Variants in TACC2 observed in about 807,000 individuals in gnomAD.
The protein encoded by TACC2 is transforming acidic coiled-coil containing protein 2, also known as transforming acidic coiled-coil-containing protein 2.
Under a neutral mutation model 227.3 loss-of-function variants are expected in TACC2, and 137 were observed. That is an observed-to-expected ratio of 0.60 (90% CI 0.52 to 0.69). The LOEUF is 0.69. Ranked by LOEUF, TACC2 falls within the 30% of genes least tolerant of loss-of-function variation. The pLI is 0.00. For missense variants in TACC2, 3,470 were observed against 3,694.4 expected, an observed-to-expected ratio of 0.94 and a Z score of 1.57; for synonymous variants, 1,523 against 1,487.5, an observed-to-expected ratio of 1.02 and a Z score of -0.55.
chr10:122,032,681 C>T (rs1959128741), intron 2 of TACC2, among the ~76,000 whole-genome samples: 1 of 152,144 alleles, frequency 6.6e-6, no homozygotes, highest in Non-Finnish European at 1.5e-5. Context: ...AAACCATGGC[C>T]AGGCACGGTG....
At position 122,211,270 on chromosome 10, in the gene TACC2, A is replaced by C. The variant is rs1487895676; in HGVS notation, c.6845A>C (p.Asn2282Thr). The C allele has an allele frequency of 6.2e-7, 1 of 1,612,726 alleles. No homozygotes were observed. Among genetic ancestry groups the C allele is most frequent in the Non-Finnish European group, 8.5e-7 (1 of 1,179,748 alleles). Residue 2282 changes from asparagine (N) to threonine (T), a missense_variant, in exon 9 of 23, where the codon AAC becomes ACC. This residue lies in a region of TACC2 where 593 missense variants were observed against 636.6 expected (regional missense o/e 0.93). Coordinates refer to ENST00000369005, the MANE Select transcript of TACC2 (RefSeq NM_206862.4). ...AGTAGTTGGGACAACCAGCAGGAAA[A>C]CCCCCCTCCTACCAAAAAGATAGGC... is the stretch of plus-strand genomic sequence containing the variant. ...DKSSWDNQQE[N>T]PPPTKKIGKK...
rs79870128 is a variant in TACC2 at position 122,239,702 on chromosome 10, G to T, written c.8348+1665G>T. On this transcript the variant is annotated intron_variant, in intron 18 of 22. Transcript: ENST00000369005. ...GGTGCCTGGGGAGTGCTTATTCGTG[G>T]TTTGAGAAGTCGTACCACTGAGGGG... Among the ~76,000 whole-genome samples the T allele has an allele frequency of 3.5e-3, 537 of 152,242 alleles. 4 individuals carry two copies. Among genetic ancestry groups the T allele is most frequent in the African/African-American group, 0.011 (472 of 41,546 alleles).
At position 122,194,987 on chromosome 10, in the gene TACC2, G is replaced by A; in HGVS notation, c.5835-53G>A. 1 of 1,555,374 alleles carries A rather than the reference G, an allele frequency of 6.4e-7. No individual in the cohort carries two copies. Among genetic ancestry groups the A allele is most frequent in the Non-Finnish European group, 8.7e-7 (1 of 1,146,286 alleles). ...TGGGTGCGAAGGCCACACCGGCTCA[G>A]CAGAACTGGCTCTGGGCCCCTGTCT... On this transcript the variant is annotated intron_variant, in intron 7 of 22. Transcript: ENST00000369005. The surrounding 1 kb of genome is among the most constrained non-coding windows in gnomAD (Gnocchi z 4.4).
intron 1 of TACC2, among the ~76,000 whole-genome samples, chr10:122,008,613 C>T (rs556031554): frequency 1.3e-5 from 2 of 151,882 alleles, no homozygotes; most frequent in South Asian, 4.2e-4. Flanking sequence ...CACTCTGTCA[C>T]CCAGGCTGGA....
chr10:122,131,838 A>G (rs921694529), intron 5 of TACC2, among the ~76,000 whole-genome samples: 1 of 152,034 alleles, frequency 6.6e-6, no homozygotes, highest in Non-Finnish European at 1.5e-5. Context: ...CCTGGCCAAC[A>G]TGATGAAACC....
At chr10:122,044,613 T>G (rs1477086619) in intron 2 of TACC2, among the ~76,000 whole-genome samples, 1 of 152,120 alleles carries the variant, frequency 6.6e-6, no homozygotes, top group African/African-American at 2.4e-5. Context: ...AAGCATGGTT[T>G]AATTAACTCT....
At chr10:122,013,959 C>T (rs1956247169) in intron 1 of TACC2, among the ~76,000 whole-genome samples, 1 of 152,104 alleles carries the variant, frequency 6.6e-6, no homozygotes, top group South Asian at 2.1e-4. Flanking sequence ...CACTAACAAT[C>T]TAAATTATTC....
chr10:122,232,339 G>A (rs929057914), intron 16 of TACC2, among the ~76,000 whole-genome samples: 1 of 150,680 alleles, frequency 6.6e-6, no homozygotes, highest in Non-Finnish European at 1.5e-5. Context: ...GAGTAGCTCA[G>A]GGTGGATATG....
intron 6 of TACC2, among the ~76,000 whole-genome samples, chr10:122,143,033 C>A (rs146489053): frequency 1.6e-4 from 24 of 152,290 alleles, no homozygotes; most frequent in African/African-American, 5.3e-4. Flanking sequence ...GGCCACACTC[C>A]GTCTCTGAAA....
rs753194129 is a variant in TACC2 at position 122,085,817 on chromosome 10, C to T, written c.3317C>T (p.Ser1106Leu). The T allele has an allele frequency of 1.2e-5, 20 of 1,612,806 alleles. No individual in the cohort carries two copies. The highest frequency in any genetic ancestry group is 2.7e-5 in the African/African-American group (2 of 74,924). The change falls in exon 4 of 23, where the codon TCG becomes TTG. Residue 1106 changes from serine (S) to leucine (L), a missense_variant. By Grantham distance (145) the Ser-to-Leu change is moderately radical. This residue lies in a region of TACC2 where 1,924 missense variants were observed against 1,978.3 expected (regional missense o/e 0.97). Coordinates refer to ENST00000369005, the MANE Select transcript of TACC2 (RefSeq NM_206862.4). ...PQQKMECWAT[S>L]DAESPKLLAS... ...CAGAAAATGGAGTGCTGGGCCACTT[C>T]GGATGCAGAGTCCCCAAAGCTTCTT...
chr10:121,999,640 T>C (rs1160558813), intron 1 of TACC2, among the ~76,000 whole-genome samples: 1 of 152,240 alleles, frequency 6.6e-6, no homozygotes, highest in African/African-American at 2.4e-5. Flanking sequence ...GCCCCAGGAC[T>C]GTCAATGCTT....
chr10:122,026,979 A>G (rs1393713737), intron 2 of TACC2, among the ~76,000 whole-genome samples: 10 of 152,206 alleles, frequency 6.6e-5, no homozygotes, highest in Admixed American at 6.5e-4. Context: ...GGTAGATACC[A>G]GCGAGCGTGA....
At chr10:122,005,420 G>A (rs1298369699) in intron 1 of TACC2, among the ~76,000 whole-genome samples, 1 of 135,800 alleles carries the variant, frequency 7.4e-6, no homozygotes, top group Non-Finnish European at 1.5e-5. Flanking sequence ...TTGCTCTGTC[G>A]CCCAGGCTGG....
intron 7 of TACC2, among the ~76,000 whole-genome samples, chr10:122,178,239 C>CTTTT (rs61083559): frequency 2.9e-5 from 4 of 136,464 alleles, no homozygotes; most frequent in Admixed American, 1.5e-4. Context: ...TTCTTTCTTT[C>CTTTT]TTTTTTTTTT....
intron 1 of TACC2, among the ~76,000 whole-genome samples, chr10:122,003,031 C>T (rs111358093): frequency 0.033 from 4,951 of 152,112 alleles, 285 homozygotes; most frequent in African/African-American, 0.11. Flanking sequence ...GGTGAAACCC[C>T]GTCTCTACTA....
At chr10:122,159,186 C>A (rs2092673896) in intron 7 of TACC2, among the ~76,000 whole-genome samples, 1 of 152,182 alleles carries the variant, frequency 6.6e-6, no homozygotes, top group Non-Finnish European at 1.5e-5. Context: ...AGTGAGGCCA[C>A]GGTGAGGACC....
chr10:122,249,241 G>A, intron 21 of TACC2, 85 bp downstream of exon 21: 1 of 1,027,424 alleles, frequency 9.7e-7, no homozygotes, highest in Non-Finnish European at 1.5e-6. Flanking sequence ...GGCAGCGCCT[G>A]TGACATTGGC....
At chr10:122,184,992 T>C (rs2140343740) in intron 7 of TACC2, among the ~76,000 whole-genome samples, 2 of 151,588 alleles carry the variant, frequency 1.3e-5, no homozygotes, top group African/African-American at 2.4e-5. Flanking sequence ...ATCTTCTTTA[T>C]GGTTTTTCCG....
At position 122,136,533 on chromosome 10, in the gene TACC2, T is replaced by TTGTG. The variant is rs111268746; in HGVS notation, c.5699+3809_5699+3812dup. 3.1e-3 allele frequency among the ~76,000 whole-genome samples: 451 copies of TTGTG among 144,698 alleles called. 3 individuals carry two copies. Among genetic ancestry groups the TTGTG allele is most frequent in the African/African-American group, 0.011 (426 of 39,232 alleles). 94.9% of individuals were successfully genotyped at this position (144,698 alleles called of 152,430 possible). On this transcript the variant is annotated intron_variant, in intron 6 of 22. Transcript: ENST00000369005. ...TATATATATATGTGTGTATGTATGTTTGTGTGTGTGTGTATATATATATAT... is the reference window on the plus strand; with the variant it reads ...TATATATATATGTGTGTATGTATGTTTGTGTGTGTGTGTGTGTATATATATATAT...
Sources: gnomAD v4.1 joint callset for allele counts (sites outside exome capture counted in the v4.1 genomes callset) on GRCh38, gnomAD v4.1.1 for gene constraint, gnomAD v4.1.1 regional missense constraint, Gnocchi (gnomAD v3.1) non-coding constraint, MANE v1.5 for transcripts, NCBI Gene and HGNC (gene_info 2026-07-23, HGNC 2026-07-21) for gene names.